SPEG: variants seen among roughly 807,000 people sequenced by gnomAD.
SPEG encodes the protein striated muscle preferentially expressed protein kinase.
Under a neutral mutation model 300.4 loss-of-function variants are expected in SPEG, and 114 were observed. The observed-to-expected ratio is 0.38, with a 90% CI of 0.33 to 0.44. The LOEUF is 0.44. Ranked by LOEUF, SPEG falls within the 20% of genes least tolerant of loss-of-function variation. SPEG has a pLI of 1.00. For synonymous variants in SPEG, 1,964 were observed against 2,018.9 expected (o/e 0.97, Z 0.73); for missense variants, 4,201 against 4,586.2 (o/e 0.92, Z 2.43).
At chr2:219,455,743 T>C (rs921614337) in intron 6 of SPEG, among the ~76,000 whole-genome samples, 1 of 152,150 alleles carries the variant, frequency 6.6e-6, no homozygotes, top group African/African-American at 2.4e-5. Flanking sequence ...CTGGGGGCTT[T>C]CTCTTCTTCC....
In SPEG at chr2:219,492,121, C is replaced by A. The variant is rs755595509; in HGVS notation, c.9472C>A (p.Arg3158Ser). 4.5e-5 allele frequency: 72 copies of A among 1,611,756 alleles called. No homozygotes were observed. Among genetic ancestry groups the A allele is most frequent in the Non-Finnish European group, 5.9e-5 (70 of 1,178,750 alleles). ...TATCTTCCCCAACAGGCTCAGTGGA[C>A]GCTCCCCGTTCTATGAGCCAGACCC... The part of the protein sequence containing the change: ...GVLTYIMLSG[R>S]SPFYEPDPQE... The change falls in exon 40 of 41, where the codon CGC (arginine) becomes AGC (serine). Residue 3158 changes from arginine (R) to serine (S), a missense_variant. This residue lies in a region of SPEG where 318 missense variants were observed against 429.5 expected (regional missense o/e 0.74). Coordinates refer to ENST00000312358, the MANE Select transcript of SPEG (RefSeq NM_005876.5).
Position 219,472,969 on chromosome 2 carries a change from G to A in SPEG, c.4020G>A (p.Arg1340=). 1 of 1,613,846 alleles carries A rather than the reference G, an allele frequency of 6.2e-7. No individual in the cohort carries two copies. Among genetic ancestry groups the A allele is most frequent in the Non-Finnish European group, 8.5e-7 (1 of 1,180,018 alleles). The change falls in exon 16 of 41, where the codon CGG becomes CGA. Residue 1340 remains arginine, a synonymous_variant. Coordinates refer to ENST00000312358, the MANE Select transcript of SPEG (RefSeq NM_005876.5). ...DQWTALVTGL[R]EPGWAATGLR... Reference sequence around the variant, plus strand: ...GGACGGCACTGGTCACAGGCCTGCGGGAGCCAGGGTGGGCAGCCACAGGGC... The same window carrying A: ...GGACGGCACTGGTCACAGGCCTGCGAGAGCCAGGGTGGGCAGCCACAGGGC...
intron 3 of SPEG, among the ~76,000 whole-genome samples, chr2:219,447,358 T>C (rs1319070600): frequency 6.6e-6 from 1 of 152,288 alleles, no homozygotes; most frequent in Non-Finnish European, 1.5e-5. Context: ...ACCTGCTGTG[T>C]CCCATCAGTG....
rs941657395 is a variant in SPEG, at chr2:219,435,252, G to T, written c.275G>T (p.Cys92Phe). ...LLPAPAPEPS[C>F]LWLRRCGAQD... The stretch of plus-strand genomic sequence containing the variant: ...CCCGCGCCGGCCCCCGAGCCCAGCT[G>T]CCTGTGGCTGCGGCGCTGCGGGGCG... Residue 92 changes from cysteine to phenylalanine, a missense_variant, in exon 1 of 41, where the codon TGC (cysteine) becomes TTC (phenylalanine). Physicochemically the swap from Cys to Phe is radical, Grantham distance 205 (BLOSUM62 -2). This residue lies in a region of SPEG where 1,258 missense variants were observed against 1,293.9 expected (regional missense o/e 0.97). Transcript: ENST00000312358. 8 of 1,487,466 alleles carry T rather than the reference G, an allele frequency of 5.4e-6. No homozygotes were observed. Among genetic ancestry groups the T allele is most frequent in the Non-Finnish European group, 7.1e-6 (8 of 1,128,394 alleles). The allele number at this position is 1,487,466 out of a possible 1,614,324, so 92.1% of individuals were successfully genotyped here. A position where few individuals can be genotyped will look rare whatever the true frequency, so the allele number is the denominator to read the frequency against.
chr2:219,467,065 G>A (rs900447837), intron 9 of SPEG, 109 bp from the exon 10 acceptor site: 5 of 1,355,058 alleles, frequency 3.7e-6, no homozygotes, highest in Admixed American at 2.3e-5. Flanking sequence ...AGAACAAAAT[G>A]CATCTCTCTC....
At position 219,488,901 on chromosome 2, in the gene SPEG, G is replaced by A; in HGVS notation, c.8149+1G>A. The A allele has an allele frequency of 1.3e-6, 2 of 1,584,164 alleles. No individual in the cohort carries two copies. Among genetic ancestry groups the A allele is most frequent in the Non-Finnish European group, 1.7e-6 (2 of 1,164,866 alleles). ...TATACGCTGGAGCGGCGAGTGGATG[G>A]TGAGGATGGGGCAGCTGGAGGGTTG... is the stretch of plus-strand genomic sequence containing the variant. On this transcript the variant is annotated splice_donor_variant, in intron 34 of 40. Coordinates refer to ENST00000312358, the MANE Select transcript of SPEG (RefSeq NM_005876.5). LOFTEE classifies it high-confidence loss of function.
Position 219,489,173 on chromosome 2 carries a change from G to C in SPEG, c.8269G>C (p.Gly2757Arg). 6.2e-7 allele frequency: 1 copy of C among 1,613,986 alleles called. No homozygotes were observed. The highest frequency in any genetic ancestry group is 8.5e-7 in the Non-Finnish European group (1 of 1,179,958). ...GGCCTGTGCCAACCGTGCTGGGCAG[G>C]GGCCCTTCAGCAACTCTTCTGAGAA... ...RVACANRAGQ[G>R]PFSNSSEKVF... is the part of the protein sequence containing the mutation. Residue 2757 changes from glycine (G) to arginine (R), a missense_variant, in exon 35 of 41, where the codon GGG becomes CGG. Around this residue, in one of 4 missense-constraint regions of SPEG, gnomAD observed 1,578 missense variants for 1,506.0 expected, o/e 1.05. Transcript: ENST00000312358.
rs1690426087 is a variant in SPEG at position 219,459,079 on chromosome 2, C to T, written c.2441-2803C>T. 1.3e-5 allele frequency among the ~76,000 whole-genome samples: 2 copies of T among 152,164 alleles called. No individual in the cohort carries two copies. The highest frequency in any genetic ancestry group is 2.1e-4 in the South Asian group (1 of 4,830). Reference sequence around the variant, plus strand: ...GGAGTTCCCTGTGTGCTTCCTAACGCCAGTATTTTCATCAAATGAGTTTGA... The same window carrying T: ...GGAGTTCCCTGTGTGCTTCCTAACGTCAGTATTTTCATCAAATGAGTTTGA... On this transcript the variant is annotated intron_variant, in intron 6 of 40. Coordinates refer to ENST00000312358, the MANE Select transcript of SPEG (RefSeq NM_005876.5). The surrounding 1 kb of genome is among the most constrained non-coding windows in gnomAD (Gnocchi z 4.9).
Position 219,492,744 on chromosome 2 carries a change from C to T in SPEG, c.9762C>T (p.Thr3254=). The change falls in exon 41 of 41, where the codon ACC becomes ACT. Residue 3254 remains threonine (T), a synonymous_variant. Transcript: ENST00000312358. ...GGCGGCGCCGGGCTGAGGCTGCCAC[C>T]CGCCACAAGGTGCTGCTGCGCTCCT... The part of the protein sequence containing the change: ...EQRRRRAEAA[T]RHKVLLRSYP... 2.5e-6 allele frequency: 4 copies of T among 1,600,586 alleles called. No homozygotes were observed. Among genetic ancestry groups the T allele is most frequent in the Non-Finnish European group, 3.4e-6 (4 of 1,178,372 alleles).
At position 219,480,785 on chromosome 2, in the gene SPEG, G is replaced by C; in HGVS notation, c.5369+88G>C. 8.0e-7 allele frequency: 1 copy of C among 1,247,194 alleles called. No individual in the cohort carries two copies. Among genetic ancestry groups the C allele is most frequent in the Non-Finnish European group, 1.2e-6 (1 of 849,646 alleles). 77.3% of individuals were successfully genotyped at this position (1,247,194 alleles called of 1,614,324 possible). A position where few individuals can be genotyped will look rare whatever the true frequency, so the allele number is the denominator to read the frequency against. ...GCTGCAGCCCACCCCCTTCTCTTCCGCACCCCCCACTCCTTCTTGCACTGC... is the reference window on the plus strand; with the variant it reads ...GCTGCAGCCCACCCCCTTCTCTTCCCCACCCCCCACTCCTTCTTGCACTGC... On this transcript the variant is annotated intron_variant, in intron 26 of 40. Transcript: ENST00000312358. The surrounding 1 kb of genome is among the most constrained non-coding windows in gnomAD (Gnocchi z 5.3).
chr2:219,492,569 C>A (rs745860369), intron 40 of SPEG, 25 bp from the exon 41 acceptor site: 1 of 1,602,154 alleles, frequency 6.2e-7, no homozygotes, highest in South Asian at 1.1e-5. Context: ...CTTCCAGGTT[C>A]ATCATCCCTG....
rs1309167107 is a variant in SPEG, at chr2:219,469,193, C to A, written c.3529C>A (p.Pro1177Thr). 1.9e-6 allele frequency: 3 copies of A among 1,613,656 alleles called. No homozygotes were observed. Among genetic ancestry groups the A allele is most frequent in the Non-Finnish European group, 2.5e-6 (3 of 1,179,774 alleles). Reference protein sequence around the residue: ...LEKMPSIPEEPEQGELERLSI... With the variant: ...LEKMPSIPEETEQGELERLSI... ...GAAGATGCCATCCATTCCCGAGGAGCCAGAGCAGGGTGAGCTGGAGCGGCT... is the reference window on the plus strand; with the variant it reads ...GAAGATGCCATCCATTCCCGAGGAGACAGAGCAGGGTGAGCTGGAGCGGCT... Residue 1177 changes from proline to threonine, a missense_variant, in exon 13 of 41, where the codon CCA (proline) becomes ACA (threonine). Coordinates refer to ENST00000312358, the MANE Select transcript of SPEG (RefSeq NM_005876.5).
chr2:219,478,209 T>C, intron 22 of SPEG, 104 bp downstream of exon 22: 5 of 993,124 alleles, frequency 5.0e-6, no homozygotes, highest in Non-Finnish European at 7.5e-6. Context: ...GTAGTCCCAA[T>C]TGACAATTGG....
chr2:219,485,278 G>C, intron 30 of SPEG, 68 bp from the exon 31 acceptor site: 1 of 1,552,182 alleles, frequency 6.4e-7, no homozygotes, highest in Non-Finnish European at 8.7e-7. Flanking sequence ...TCTGGGCTGA[G>C]GGCTGCAGAG....
chr2:219,476,638 A>G (rs988669922), intron 18 of SPEG, among the ~76,000 whole-genome samples: 4 of 149,402 alleles, frequency 2.7e-5, no homozygotes, highest in Admixed American at 2.7e-4. Flanking sequence ...AGGTTTCCTC[A>G]GATTTGGAGA....
intron 1 of SPEG, chr2:219,442,985 C>A: frequency 1.3e-6 from 1 of 787,434 alleles, no homozygotes; most frequent in Non-Finnish European, 2.1e-6. Context: ...CCCACCTCCC[C>A]TCTCACACAC....
chr2:219,443,275 C>G lies in SPEG; in HGVS notation c.389-1378C>G, dbSNP rs755743421. The stretch of plus-strand genomic sequence containing the variant: ...GATGTGGAACCCTCCCACTCACCCC[C>G]ACACTTATCTACCACCCACCCGACC... On this transcript the variant is annotated intron_variant, in intron 1 of 40. Coordinates refer to ENST00000312358, the MANE Select transcript of SPEG (RefSeq NM_005876.5). The surrounding 1 kb of genome is among the most constrained non-coding windows in gnomAD (Gnocchi z 4.6). 2.0e-6 allele frequency: 2 copies of G among 985,122 alleles called. No homozygotes were observed. Among genetic ancestry groups the G allele is most frequent in the Non-Finnish European group, 3.3e-6 (2 of 608,256 alleles). The allele number at this position is 985,122 out of a possible 1,614,324, so 61.0% of individuals were successfully genotyped here. A position where few individuals can be genotyped will look rare whatever the true frequency, so the allele number is the denominator to read the frequency against.
In SPEG at chr2:219,485,201, C is replaced by T. The variant is rs545412534; in HGVS notation, c.7609+129C>T. The T allele has an allele frequency of 6.8e-6, 10 of 1,479,992 alleles. No homozygotes were observed. The South Asian group carries it at 8.9e-5, about 13-fold the overall frequency. The allele number at this position is 1,479,992 out of a possible 1,614,324, so 91.7% of individuals were successfully genotyped here. ...GCTGAGGCCCCGAGGGTGGAATCAG[C>T]AGGGCTGGAGGGGAGGAAAGCAGGA... On this transcript the variant is annotated intron_variant, in intron 30 of 40. Transcript: ENST00000312358.
In SPEG at chr2:219,443,254, T is replaced by A. The variant is rs923922352; in HGVS notation, c.389-1399T>A. 8.6e-7 allele frequency: 1 copy of A among 1,167,314 alleles called. No homozygotes were observed. Among genetic ancestry groups the A allele is most frequent in the Admixed American group, 1.7e-5 (1 of 59,388 alleles). The allele number at this position is 1,167,314 out of a possible 1,614,324, so 72.3% of individuals were successfully genotyped here. ...GTTCCTGAAGACAGCCCATGAGATG[T>A]GGAACCCTCCCACTCACCCCCACAC... On this transcript the variant is annotated intron_variant, in intron 1 of 40. Coordinates refer to ENST00000312358, the MANE Select transcript of SPEG (RefSeq NM_005876.5). The surrounding 1 kb of genome is among the most constrained non-coding windows in gnomAD (Gnocchi z 4.6).
Sources: allele counts gnomAD v4.1 joint callset (sites outside exome capture counted in the v4.1 genomes callset), GRCh38; gene constraint gnomAD v4.1.1; regional missense constraint gnomAD v4.1.1; non-coding constraint Gnocchi (gnomAD v3.1); transcripts MANE v1.5; gene names NCBI Gene and HGNC (gene_info 2026-07-23, HGNC 2026-07-21).